BHMT: variants seen among roughly 807,000 people sequenced by gnomAD.
BHMT encodes betaine--homocysteine S-methyltransferase, also known as betaine--homocysteine S-methyltransferase 1.
BHMT carries 38 observed loss-of-function variants against 49.5 expected under a neutral mutation model. The observed-to-expected ratio is 0.77, with a 90% CI of 0.59 to 1.01. The LOEUF (loss-of-function observed/expected upper bound fraction) is 1.01, where lower values mean the gene tolerates loss of function less well. BHMT is among the 50% of genes least tolerant of loss of function. The probability of loss-of-function intolerance (pLI) is 0.00; values close to 1 mark genes in which losing one functional copy is unlikely to be tolerated. For missense variants in BHMT, 426 were observed against 495.7 expected, an observed-to-expected ratio of 0.86 and a Z score of 1.34; for synonymous variants, 166 against 176.3, an observed-to-expected ratio of 0.94 and a Z score of 0.46.
Position 79,131,009 on chromosome 5 carries a change from G to C in BHMT, c.1114G>C (p.Gly372Arg), listed in dbSNP as rs1050825. ...CAACCCTTCAATGTCAAAGCCAGAT[G>C]GCTGGGGAGTGACCAAAGGAACAGC... ...PYNPSMSKPD[G>R]WGVTKGTAEL... Residue 372 changes from glycine (G) to arginine (R), a missense_variant, in exon 8 of 8, where the codon GGC becomes CGC. Transcript: ENST00000274353. 1 of 1,614,026 alleles carries C rather than the reference G, an allele frequency of 6.2e-7. No homozygotes were observed. Among genetic ancestry groups the C allele is most frequent in the African/African-American group, 1.3e-5 (1 of 75,016 alleles).
intron 5 of BHMT, among the ~76,000 whole-genome samples, chr5:79,125,160 G>T (rs1176948760): frequency 6.6e-6 from 1 of 151,208 alleles, no homozygotes; most frequent in Non-Finnish European, 1.5e-5. Context: ...ATTTTTTTTT[G>T]AAAAAAGATG....
Position 79,111,938 on chromosome 5 carries a change from G to T in BHMT, c.33+20G>T. On this transcript the variant is annotated intron_variant, in intron 1 of 7. Coordinates refer to ENST00000274353, the MANE Select transcript of BHMT (RefSeq NM_001713.3). Reference sequence around the variant, plus strand: ...AAGAAGGTGAGTCTCCAGGGGACCCGAGGGCGCTCTCCTTCCCCTCCCACC... The same window carrying T: ...AAGAAGGTGAGTCTCCAGGGGACCCTAGGGCGCTCTCCTTCCCCTCCCACC... 1 of 1,581,928 alleles carries T rather than the reference G, an allele frequency of 6.3e-7. No homozygotes were observed. The highest frequency in any genetic ancestry group is 8.6e-7 in the Non-Finnish European group (1 of 1,164,492).
At chr5:79,118,658 C>CGAG (rs1756421557) in intron 2 of BHMT, among the ~76,000 whole-genome samples, 1 of 152,182 alleles carries the variant, frequency 6.6e-6, no homozygotes, top group South Asian at 2.1e-4. Flanking sequence ...CAACTCCAGC[C>CGAG]ACTCAAGGTA....
At chr5:79,125,267 C>T (rs1309392578) in intron 5 of BHMT, among the ~76,000 whole-genome samples, 5 of 151,910 alleles carry the variant, frequency 3.3e-5, no homozygotes, top group Admixed American at 1.3e-4. Context: ...ACCATCCTGG[C>T]CAACATGGTG....
intron 3 of BHMT, 155 bp from the exon 4 acceptor site, chr5:79,120,195 G>A (rs1433826821): frequency 1.5e-6 from 1 of 649,768 alleles, no homozygotes; most frequent in Non-Finnish European, 2.4e-6. Context: ...ATGGCAAACT[G>A]TTCAACTTGG....
At chr5:79,116,735 T>A (rs1477426807) in intron 2 of BHMT, among the ~76,000 whole-genome samples, 1 of 152,232 alleles carries the variant, frequency 6.6e-6, no homozygotes, top group Non-Finnish European at 1.5e-5. Context: ...CATGTATCAA[T>A]GTACATTTAG....
chr5:79,117,956 T>C (rs1224717158), intron 2 of BHMT, among the ~76,000 whole-genome samples: 1 of 152,068 alleles, frequency 6.6e-6, no homozygotes, highest in Non-Finnish European at 1.5e-5. Flanking sequence ...AAAACAAAGA[T>C]GGGTTGGGGA....
chr5:79,114,365 T>C (rs936677636), intron 1 of BHMT, among the ~76,000 whole-genome samples: 1 of 152,112 alleles, frequency 6.6e-6, no homozygotes, highest in Non-Finnish European at 1.5e-5. Context: ...CCTACCACTT[T>C]GCTTCTGTCT....
intron 1 of BHMT, among the ~76,000 whole-genome samples, chr5:79,114,022 T>C (rs561741737): frequency 3.3e-5 from 5 of 151,522 alleles, no homozygotes; most frequent in African/African-American, 4.8e-5. Flanking sequence ...TAAAAGTTAG[T>C]AGCAAGTCAT....
chr5:79,115,597 G>T (rs367619861), intron 1 of BHMT, among the ~76,000 whole-genome samples, 170 bp from the exon 2 acceptor site: 2 of 151,952 alleles, frequency 1.3e-5, no homozygotes, highest in Admixed American at 6.6e-5. Context: ...TGAGCATTCT[G>T]GTTGTTTGTC....
intron 2 of BHMT, among the ~76,000 whole-genome samples, chr5:79,117,092 T>C (rs1273079244): frequency 2.0e-5 from 3 of 152,268 alleles, no homozygotes; most frequent in Non-Finnish European, 4.4e-5. Context: ...AGAGAATCAC[T>C]GCAGTTTTAG....
At chr5:79,121,106 G>A (rs1032329584) in intron 4 of BHMT, 112 bp from the exon 5 acceptor site, 33 of 1,317,326 alleles carry the variant, frequency 2.5e-5, no homozygotes, top group Non-Finnish European at 3.4e-5. Flanking sequence ...AGCCGAAATC[G>A]CACCACAGCA....
At chr5:79,112,126 C>T (rs945912897) in intron 1 of BHMT, among the ~76,000 whole-genome samples, 6 of 152,262 alleles carry the variant, frequency 3.9e-5, no homozygotes, top group African/African-American at 1.4e-4. Context: ...CACTCCTGCC[C>T]CACGTTCAGA....
intron 4 of BHMT, 47 bp downstream of exon 4, chr5:79,120,588 T>C: frequency 6.5e-7 from 1 of 1,532,790 alleles, no homozygotes; most frequent in Non-Finnish European, 8.8e-7. Flanking sequence ...CCTAGTACAT[T>C]TTCTCTACCT....
At chr5:79,127,249 G>GT (rs1756567026) in intron 6 of BHMT, among the ~76,000 whole-genome samples, 1 of 152,130 alleles carries the variant, frequency 6.6e-6, no homozygotes, top group South Asian at 2.1e-4. Context: ...CACTTAATTG[G>GT]TTTTTGGGAG....
In BHMT at chr5:79,131,250, A is replaced by C; in HGVS notation, c.*134A>C. ...ATATTATTGCTATTACCTGAACAAA[A>C]TAGAATTACAAATAGCACTTGATAA... On this transcript the variant is annotated 3_prime_UTR_variant, in exon 8 of 8. Coordinates refer to ENST00000274353, the MANE Select transcript of BHMT (RefSeq NM_001713.3). 1 of 840,852 alleles carries C rather than the reference A, an allele frequency of 1.2e-6. No individual in the cohort carries two copies. The highest frequency in any genetic ancestry group is 1.8e-6 in the Non-Finnish European group (1 of 570,326). 52.1% of individuals were successfully genotyped at this position (840,852 alleles called of 1,614,324 possible).
chr5:79,118,188 C>T (rs955624377), intron 2 of BHMT, among the ~76,000 whole-genome samples: 1 of 152,076 alleles, frequency 6.6e-6, no homozygotes. Context: ...AAAACTTTGC[C>T]ATTTGGAGGC....
At position 79,131,278 on chromosome 5, in the gene BHMT, T is replaced by C; in HGVS notation, c.*162T>C. 1.4e-6 allele frequency: 1 copy of C among 728,504 alleles called. No individual in the cohort carries two copies. The highest frequency in any genetic ancestry group is 3.7e-5 in the Admixed American group (1 of 27,234). The allele number at this position is 728,504 out of a possible 1,614,324, so 45.1% of individuals were successfully genotyped here. On this transcript the variant is annotated 3_prime_UTR_variant, in exon 8 of 8. Transcript: ENST00000274353. ...GAATTACAAATAGCACTTGATAATTTTAAAGTATGTTTTAGAAATTTTCTT... is the reference window on the plus strand; with the variant it reads ...GAATTACAAATAGCACTTGATAATTCTAAAGTATGTTTTAGAAATTTTCTT...
intron 5 of BHMT, among the ~76,000 whole-genome samples, chr5:79,121,817 TA>T (rs34861837): frequency 1.0e-3 from 126 of 126,172 alleles, no homozygotes; most frequent in Middle Eastern, 8.5e-3. Context: ...TCCGTCTCAA[TA>T]AAAAAAAAAA....
Sources: gnomAD v4.1 joint callset for allele counts (sites outside exome capture counted in the v4.1 genomes callset) on GRCh38, gnomAD v4.1.1 for gene constraint, MANE v1.5 for transcripts, NCBI Gene and HGNC (gene_info 2026-07-23, HGNC 2026-07-21) for gene names.